Variants in P3H2 observed in about 807,000 individuals in gnomAD.
P3H2 encodes the protein leprecan-like 1.
Under a neutral mutation model 87.0 loss-of-function variants are expected in P3H2, and 80 were observed. The ratio of observed to expected loss-of-function variants is 0.92; its 90% CI spans 0.77 to 1.11. The LOEUF is 1.11. Ranked by LOEUF, P3H2 falls within the 50% of genes least tolerant of loss-of-function variation. P3H2 has a pLI of 0.00. For synonymous variants in P3H2, 367 were observed against 359.3 expected, an observed-to-expected ratio of 1.02 and a Z score of -0.24; for missense variants, 1,001 against 923.9, an observed-to-expected ratio of 1.08 and a Z score of -1.08.
At chr3:190,088,220 A>T (rs189978177) in intron 1 of P3H2, among the ~76,000 whole-genome samples, 393 of 152,360 alleles carry the variant, frequency 2.6e-3, no homozygotes, top group South Asian at 0.01. Flanking sequence ...ATTTAAAAAA[A>T]CTAAATCCCT....
At chr3:189,965,675 C>T (rs1722953328) in intron 13 of P3H2, among the ~76,000 whole-genome samples, 1 of 152,046 alleles carries the variant, frequency 6.6e-6, no homozygotes, top group South Asian at 2.1e-4. Context: ...AAGGTAAAAC[C>T]TGTGAAGTAG....
At chr3:190,053,456 T>TTA (rs1431750145) in intron 1 of P3H2, among the ~76,000 whole-genome samples, 2 of 150,848 alleles carry the variant, frequency 1.3e-5, no homozygotes, top group Admixed American at 1.3e-4. Context: ...AGTGGTTTTT[T>TTA]TTTTTTTTTT....
chr3:189,970,833 C>A lies in P3H2; in HGVS notation c.1876G>T (p.Asp626Tyr). The part of the protein sequence containing the change: ...EGGEFIFTEM[D>Y]AKTVTASIKP... Reference sequence around the variant, plus strand: ...TTACTTACAGTCACAGTCTTAGCATCCATCTCTGTGAATATGAATTCTCCT... The same window carrying A: ...TTACTTACAGTCACAGTCTTAGCATACATCTCTGTGAATATGAATTCTCCT... The change falls in exon 13 of 15, where the codon GAT (aspartate) becomes TAT (tyrosine). Residue 626 changes from aspartate to tyrosine, a missense_variant. Asp to Tyr is a radical substitution (Grantham distance 160). Transcript: ENST00000319332. 1 of 1,586,244 alleles carries A rather than the reference C, an allele frequency of 6.3e-7. No individual in the cohort carries two copies. Among genetic ancestry groups the A allele is most frequent in the Middle Eastern group, 1.7e-4 (1 of 5,856 alleles).
chr3:189,966,141 AAG>A (rs558490059), intron 13 of P3H2, among the ~76,000 whole-genome samples: 1,665 of 130,058 alleles, frequency 0.013, 13 homozygotes, highest in Non-Finnish European at 0.019. Context: ...GAAAGAAAGA[AAG>A]AAAGAAAGAA....
intron 6 of P3H2, 31 bp from the exon 7 acceptor site, chr3:189,984,621 A>G (rs757354354): frequency 2.6e-6 from 4 of 1,526,442 alleles, no homozygotes; most frequent in Non-Finnish European, 3.6e-6. Context: ...AAAAAAATGC[A>G]GTAATTTTGT....
At chr3:190,000,801 T>C (rs1270794283) in intron 1 of P3H2, among the ~76,000 whole-genome samples, 2 of 152,180 alleles carry the variant, frequency 1.3e-5, no homozygotes, top group Admixed American at 1.3e-4. Flanking sequence ...TAGGCTATGG[T>C]AGAGTTTAAA....
intron 1 of P3H2, among the ~76,000 whole-genome samples, chr3:190,037,425 A>G (rs1725459931): frequency 6.6e-6 from 1 of 152,144 alleles, no homozygotes; most frequent in South Asian, 2.1e-4. Context: ...AGCTTCAGGA[A>G]AAATATGGAC....
chr3:190,089,289 A>T (rs1560396402), intron 1 of P3H2, among the ~76,000 whole-genome samples: 1 of 152,240 alleles, frequency 6.6e-6, no homozygotes, highest in Non-Finnish European at 1.5e-5. Context: ...TAATGGGTGC[A>T]GCACACCAAC....
chr3:190,100,573 G>A (rs1711590502), intron 1 of P3H2, among the ~76,000 whole-genome samples: 1 of 152,020 alleles, frequency 6.6e-6, no homozygotes. Context: ...AGACTCTGAG[G>A]CCAAGAAAAG....
chr3:189,963,934 T>C (rs1258544843), intron 14 of P3H2, 24 bp downstream of exon 14: 5 of 1,614,122 alleles, frequency 3.1e-6, no homozygotes, highest in Non-Finnish European at 4.2e-6. Flanking sequence ...CCTAATTGGC[T>C]TTCTGGGCGG....
In P3H2 at chr3:189,974,647, T is replaced by C; in HGVS notation, c.1363A>G (p.Asn455Asp). Reference protein sequence around the residue: ...LLYENITFVYNSEQLNGTQRV... With the variant: ...LLYENITFVYDSEQLNGTQRV... ...TGAGTCCCGTTCAGCTGCTCCGAGT[T>C]GTAGACGAATGTGATGTTCTCATAG... Residue 455 changes from asparagine to aspartate, a missense_variant, in exon 9 of 15, where the codon AAC becomes GAC. Coordinates refer to ENST00000319332, the MANE Select transcript of P3H2 (RefSeq NM_018192.4). 6.2e-7 allele frequency: 1 copy of C among 1,614,220 alleles called. No homozygotes were observed. Among genetic ancestry groups the C allele is most frequent in the Non-Finnish European group, 8.5e-7 (1 of 1,180,048 alleles).
At chr3:190,071,935 T>G (rs1166551182) in intron 1 of P3H2, among the ~76,000 whole-genome samples, 1 of 151,990 alleles carries the variant, frequency 6.6e-6, no homozygotes, top group South Asian at 2.1e-4. Flanking sequence ...TTTAAAATTT[T>G]TTATACTGAT....
chr3:190,105,696 C>T (rs1260821068), intron 1 of P3H2, among the ~76,000 whole-genome samples: 25 of 152,118 alleles, frequency 1.6e-4, no homozygotes, highest in Admixed American at 1.6e-3. Context: ...ATAATCTCAT[C>T]AGTTTTCTGT....
intron 1 of P3H2, among the ~76,000 whole-genome samples, chr3:190,051,538 G>A (rs1353343668): frequency 6.6e-6 from 1 of 152,180 alleles, no homozygotes; most frequent in African/African-American, 2.4e-5. Flanking sequence ...ACAAGTTACA[G>A]CTTATTTTCT....
chr3:189,989,915 C>T (rs1241901774), intron 3 of P3H2, among the ~76,000 whole-genome samples: 1 of 152,204 alleles, frequency 6.6e-6, no homozygotes. Flanking sequence ...ATGCCTCCTA[C>T]GTTTCACCTT....
chr3:190,054,582 T>C (rs1726090752), intron 1 of P3H2, among the ~76,000 whole-genome samples: 1 of 152,146 alleles, frequency 6.6e-6, no homozygotes, highest in Admixed American at 6.5e-5. Flanking sequence ...GAGATGCCAG[T>C]ATCACTCCCT....
At chr3:190,105,860 C>T (rs1711812706) in intron 1 of P3H2, among the ~76,000 whole-genome samples, 1 of 152,168 alleles carries the variant, frequency 6.6e-6, no homozygotes, top group African/African-American at 2.4e-5. Flanking sequence ...CCATTTATGA[C>T]AGAGCTGGGT....
intron 1 of P3H2, among the ~76,000 whole-genome samples, chr3:190,062,745 G>T (rs541272002): frequency 6.6e-6 from 1 of 152,016 alleles, no homozygotes; most frequent in Non-Finnish European, 1.5e-5. Context: ...CTGTAAAATG[G>T]AATTAATAAT....
chr3:189,999,071 C>T (rs954851047), intron 1 of P3H2, among the ~76,000 whole-genome samples: 1 of 152,122 alleles, frequency 6.6e-6, no homozygotes, highest in Non-Finnish European at 1.5e-5. Flanking sequence ...GGGGACCCCT[C>T]CTATAAGGTA....
Sources: gnomAD v4.1 joint callset for allele counts (sites outside exome capture counted in the v4.1 genomes callset) on GRCh38, gnomAD v4.1.1 for gene constraint, MANE v1.5 for transcripts, NCBI Gene and HGNC (gene_info 2026-07-23, HGNC 2026-07-21) for gene names.